The following COL4A1 variants were observed in gnomAD, a reference collection of about 807,000 sequenced individuals.
COL4A1 encodes collagen alpha-1(IV) chain.
In COL4A1, 40 loss-of-function variants were observed where a neutral mutation model predicts 216.6. That is an observed-to-expected ratio of 0.18 (90% CI 0.14 to 0.24). COL4A1 has a LOEUF of 0.24. Ranked by LOEUF, COL4A1 falls within the 10% of genes least tolerant of loss-of-function variation. The pLI, the probability that COL4A1 is intolerant of heterozygous loss-of-function variation, is 1.00. For missense variants in COL4A1, 1,628 were observed against 2,196.8 expected, an observed-to-expected ratio of 0.74 and a Z score of 5.18; for synonymous variants, 839 against 810.7, an observed-to-expected ratio of 1.03 and a Z score of -0.59.
chr13:110,204,259 T>C (rs1170029882), intron 17 of COL4A1, among the ~76,000 whole-genome samples: 2 of 152,220 alleles, frequency 1.3e-5, no homozygotes, highest in Non-Finnish European at 2.9e-5. Context: ...TGAATGTATA[T>C]ATTTTCCTTT....
At chr13:110,257,078 C>G (rs569677483) in intron 1 of COL4A1, among the ~76,000 whole-genome samples, 1 of 152,314 alleles carries the variant, frequency 6.6e-6, no homozygotes, top group South Asian at 2.1e-4. Context: ...ATTTATACTA[C>G]TTATAAAAGA....
In COL4A1 at chr13:110,242,730, C is replaced by A; in HGVS notation, c.89G>T (p.Gly30Val). 6.2e-7 allele frequency: 1 copy of A among 1,614,212 alleles called. No homozygotes were observed. Among genetic ancestry groups the A allele is most frequent in the Non-Finnish European group, 8.5e-7 (1 of 1,180,034 alleles). ...EEHSRAAAKG[G>V]CAGSGCGKCD... Reference sequence around the variant, plus strand: ...TTTGCCACAGCCAGAGCCAGCACAGCCACCCTGGAAGGAAAAGAAAACTTC... The same window carrying A: ...TTTGCCACAGCCAGAGCCAGCACAGACACCCTGGAAGGAAAAGAAAACTTC... Residue 30 changes from glycine (G) to valine (V), a missense_variant, in exon 2 of 52, where the codon GGC becomes GTC. Gly to Val is a moderately radical substitution (Grantham distance 109). This residue lies in a region of COL4A1 where 74 missense variants were observed against 61.7 expected (regional missense o/e 1.20). Transcript: ENST00000375820.
At position 110,152,433 on chromosome 13, in the gene COL4A1, C is replaced by T. The variant is rs1229812721; in HGVS notation, c.4829G>A (p.Ser1610Asn). Residue 1610 changes from serine (S) to asparagine (N), a missense_variant, in exon 51 of 52, where the codon AGT becomes AAT. By Grantham distance (46) the Ser-to-Asn change is conservative. This residue lies in a region of COL4A1 where 254 missense variants were observed against 300.1 expected (regional missense o/e 0.85). Transcript: ENST00000375820. ...SPGSCLEEFRSAPFIECHGRG... is the reference protein window; with the variant it reads ...SPGSCLEEFRNAPFIECHGRG... The stretch of plus-strand genomic sequence containing the variant: ...GCCGTGACACTCGATGAATGGCGCA[C>T]TTCTAAACTCCTCCAGGCAGGAGCC... 6.2e-7 allele frequency: 1 copy of T among 1,614,054 alleles called. No individual in the cohort carries two copies.
intron 2 of COL4A1, among the ~76,000 whole-genome samples, chr13:110,233,255 AGAT>A (rs1370744923): frequency 6.6e-6 from 1 of 152,216 alleles, no homozygotes; most frequent in East Asian, 1.9e-4. Flanking sequence ...TTCCTCTGCC[AGAT>A]GATGATTCAT....
intron 20 of COL4A1, among the ~76,000 whole-genome samples, chr13:110,199,223 G>A (rs1374274080): frequency 6.6e-6 from 1 of 152,252 alleles, no homozygotes; most frequent in African/African-American, 2.4e-5. Context: ...GGTGCAGGAG[G>A]CTGCATGGAG....
At chr13:110,214,337 A>C (rs964017667) in intron 2 of COL4A1, among the ~76,000 whole-genome samples, 3 of 152,042 alleles carry the variant, frequency 2.0e-5, no homozygotes, top group African/African-American at 7.2e-5. Flanking sequence ...TGATCCACCC[A>C]CCTCGGCCAC....
intron 1 of COL4A1, among the ~76,000 whole-genome samples, chr13:110,275,841 G>A (rs550203462): frequency 3.6e-4 from 55 of 152,270 alleles, no homozygotes; most frequent in Admixed American, 7.2e-4. Context: ...AACTATAAGA[G>A]AGTCTGGAAA....
In COL4A1 at chr13:110,169,218, C is replaced by T. The variant is rs141916629; in HGVS notation, c.3876+411G>A. ...GACTTGAACTGTTCAACTGCAATTC[C>T]CTGTCCTCCTGCCAGTCCTAAGAGA... is the stretch of plus-strand genomic sequence containing the variant. On this transcript the variant is annotated intron_variant, in intron 43 of 51. Transcript: ENST00000375820. Among the ~76,000 whole-genome samples, 998 of 152,218 alleles carry T rather than the reference C, an allele frequency of 6.6e-3. 9 individuals are homozygous for T. Among genetic ancestry groups the T allele is most frequent in the African/African-American group, 0.023 (953 of 41,538 alleles).
intron 2 of COL4A1, among the ~76,000 whole-genome samples, chr13:110,216,563 G>A (rs185767970): frequency 2.6e-5 from 4 of 152,238 alleles, no homozygotes; most frequent in East Asian, 1.9e-4. Flanking sequence ...GGGCAGTATC[G>A]CCATGAGACC....
At chr13:110,197,814 C>T (rs1009604081) in intron 21 of COL4A1, among the ~76,000 whole-genome samples, 15 of 152,150 alleles carry the variant, frequency 9.9e-5, no homozygotes, top group African/African-American at 3.4e-4. Flanking sequence ...TTTCAGGGGC[C>T]CCACAGAGCA....
At chr13:110,156,602 A>G (rs997304423) in intron 49 of COL4A1, among the ~76,000 whole-genome samples, 9 of 152,226 alleles carry the variant, frequency 5.9e-5, no homozygotes, top group Admixed American at 1.3e-4. Context: ...CCAGAAACAC[A>G]TTAAAACAGC....
At chr13:110,233,553 G>A (rs1881166053) in intron 2 of COL4A1, among the ~76,000 whole-genome samples, 2 of 152,170 alleles carry the variant, frequency 1.3e-5, no homozygotes, top group Non-Finnish European at 2.9e-5. Flanking sequence ...CGATGGGAGG[G>A]AGGAGTCTGG....
chr13:110,200,965 A>T, intron 19 of COL4A1, 76 bp from the exon 20 acceptor site: 2 of 1,522,722 alleles, frequency 1.3e-6, no homozygotes, highest in South Asian at 2.3e-5. Context: ...TCTCTACTGA[A>T]AGCCTTGCTT....
chr13:110,206,872 C>G lies in COL4A1; in HGVS notation c.800G>C (p.Gly267Ala). The G allele has an allele frequency of 6.2e-7, 1 of 1,614,026 alleles. No individual in the cohort carries two copies. The highest frequency in any genetic ancestry group is 8.5e-7 in the Non-Finnish European group (1 of 1,179,990). The change falls in exon 14 of 52, where the codon GGA becomes GCA. Residue 267 changes from glycine (G) to alanine (A), a missense_variant. Transcript: ENST00000375820. ...KGEKGQKGEP[G>A]FQGMPGVGEK... ...CAGAAACTGAGTACTGACCTGAAAT[C>G]CAGGTTCACCTTTTTGGCCCTGAAA...
rs757065258 is a variant in COL4A1 at position 110,205,529 on chromosome 13, C to T, written c.868G>A (p.Gly290Arg). 3.1e-6 allele frequency: 5 copies of T among 1,609,516 alleles called. No homozygotes were observed. Among genetic ancestry groups the T allele is most frequent in the South Asian group, 1.1e-5 (1 of 91,064 alleles). ...TTTTCCCCTTTGTCACCATCTTTTC[C>T]GGGTTTGCCCTGTAGAATAAAGATG... ...PGKPGPRGKP[G>R]KDGDKGEKGS... Residue 290 changes from glycine to arginine, a missense_variant, in exon 16 of 52, where the codon GGA becomes AGA. Around this residue, in one of 8 missense-constraint regions of COL4A1, gnomAD observed 701 missense variants for 892.5 expected, o/e 0.79. Coordinates refer to ENST00000375820, the MANE Select transcript of COL4A1 (RefSeq NM_001845.6).
At chr13:110,174,942 A>T (rs1877812821) in intron 37 of COL4A1, among the ~76,000 whole-genome samples, 193 bp from the exon 38 acceptor site, 1 of 152,136 alleles carries the variant, frequency 6.6e-6, no homozygotes, top group South Asian at 2.1e-4. Context: ...AGAGCCAACC[A>T]TCTGGTTTCT....
At chr13:110,161,094 A>G (rs1877061723) in intron 49 of COL4A1, 98 bp downstream of exon 49, 2 of 1,249,720 alleles carry the variant, frequency 1.6e-6, no homozygotes, top group African/African-American at 1.5e-5. Flanking sequence ...ATGGCAATGG[A>G]TTCAACGTTT....
At chr13:110,293,781 T>C (rs1884172548) in intron 1 of COL4A1, among the ~76,000 whole-genome samples, 1 of 152,190 alleles carries the variant, frequency 6.6e-6, no homozygotes, top group African/African-American at 2.4e-5. Flanking sequence ...TTATACCCTT[T>C]CCCTTATTAA....
chr13:110,225,780 C>A (rs1594600363), intron 2 of COL4A1, among the ~76,000 whole-genome samples: 1 of 152,154 alleles, frequency 6.6e-6, no homozygotes, highest in Admixed American at 6.5e-5. Context: ...TCTCTTCAGT[C>A]ACTGCATGGA....
Sources: allele counts gnomAD v4.1 joint callset (sites outside exome capture counted in the v4.1 genomes callset), GRCh38; gene constraint gnomAD v4.1.1; regional missense constraint gnomAD v4.1.1; transcripts MANE v1.5; gene names NCBI Gene and HGNC (gene_info 2026-07-23, HGNC 2026-07-21).